Variants in GTPBP4 observed in about 807,000 individuals in gnomAD.
GTPBP4 encodes GTP binding protein 4.
GTPBP4 carries 15 observed loss-of-function variants against 81.7 expected under a neutral mutation model. The observed-to-expected ratio is 0.18, with a 90% CI of 0.12 to 0.28. The LOEUF (loss-of-function observed/expected upper bound fraction) is 0.28, where lower values mean the gene tolerates loss of function less well. Ranked by LOEUF, GTPBP4 falls within the 10% of genes least tolerant of loss-of-function variation. The probability of loss-of-function intolerance (pLI) is 1.00; values close to 1 mark genes in which losing one functional copy is unlikely to be tolerated. For missense variants in GTPBP4, 847 were observed against 793.8 expected (o/e 1.07, Z -0.81); for synonymous variants, 272 against 274.6 (o/e 0.99, Z 0.09).
chr10:1,003,029 T>C (rs1831665402), intron 8 of GTPBP4, among the ~76,000 whole-genome samples: 1 of 152,242 alleles, frequency 6.6e-6, no homozygotes, highest in South Asian at 2.1e-4. Context: ...TTCTCCTTCT[T>C]GAACTCCCAT....
rs1342383077 is a variant in GTPBP4 at position 1,018,934 on chromosome 10, TG to T, written c.*1708del. On this transcript the variant is annotated 3_prime_UTR_variant, in exon 17 of 17. Coordinates refer to ENST00000360803, the MANE Select transcript of GTPBP4 (RefSeq NM_012341.3). ...GTTTTAAAGCAAGTATGTCTTTATT[TG>T]TAAGCATATTACTGAAACGATCAAA... The T allele has an allele frequency of 6.6e-6, 1 of 152,490 alleles. No homozygotes were observed. The highest frequency in any genetic ancestry group is 1.5e-5 in the Non-Finnish European group (1 of 68,258). 9.4% of individuals were successfully genotyped at this position (152,490 alleles called of 1,614,324 possible).
chr10:1,016,053 A>G (rs533290335), intron 16 of GTPBP4, among the ~76,000 whole-genome samples, 157 bp downstream of exon 16: 3 of 152,226 alleles, frequency 2.0e-5, no homozygotes, highest in Non-Finnish European at 4.4e-5. Flanking sequence ...AGAGGAGAGC[A>G]CGGGTCAGGG....
At chr10:992,449 C>A (rs780004235) in intron 1 of GTPBP4, 40 bp from the exon 2 acceptor site, 3 of 1,224,666 alleles carry the variant, frequency 2.4e-6, no homozygotes, top group South Asian at 1.3e-5. Context: ...CAAAAGTAGA[C>A]CCTTTTGATG....
chr10:989,247 A>G (rs1204216597), intron 1 of GTPBP4, among the ~76,000 whole-genome samples: 1 of 150,694 alleles, frequency 6.6e-6, no homozygotes, highest in Non-Finnish European at 1.5e-5. Flanking sequence ...CCCGAGTAAC[A>G]GGGATTACAG....
chr10:1,005,829 A>C lies in GTPBP4; in HGVS notation c.924A>C (p.Thr308=). The C allele has an allele frequency of 1.9e-6, 3 of 1,585,002 alleles. No homozygotes were observed. Among genetic ancestry groups the C allele is most frequent in the Non-Finnish European group, 2.6e-6 (3 of 1,153,846 alleles). ...ELSEDDQKIF[T]DLQSEGFPVI... is the part of the protein sequence containing the mutation. ...CTTTGCATTCCCAGAAAATATTTAC[A>C]GATTTGCAGTCTGAAGGATTCCCTG... Residue 308 remains threonine, a synonymous_variant, in exon 9 of 17, where the codon ACA becomes ACC. Coordinates refer to ENST00000360803, the MANE Select transcript of GTPBP4 (RefSeq NM_012341.3).
intron 2 of GTPBP4, among the ~76,000 whole-genome samples, chr10:993,620 G>T (rs925426197): frequency 6.6e-6 from 1 of 152,126 alleles, no homozygotes; most frequent in Non-Finnish European, 1.5e-5. Context: ...ATGACACCAT[G>T]TGTGGGGTAA....
rs71376878 is a variant in GTPBP4 at position 1,011,137 on chromosome 10, GC to G, written c.1344+621del. 1.5e-3 allele frequency among the ~76,000 whole-genome samples: 176 copies of G among 119,100 alleles called. 1 individual carries two copies. The highest frequency in any genetic ancestry group is 8.6e-3 in the East Asian group (31 of 3,588). 78.1% of individuals were successfully genotyped at this position (119,100 alleles called of 152,430 possible). A position where few individuals can be genotyped will look rare whatever the true frequency, so the allele number is the denominator to read the frequency against. On this transcript the variant is annotated intron_variant, in intron 13 of 16. Coordinates refer to ENST00000360803, the MANE Select transcript of GTPBP4 (RefSeq NM_012341.3). ...CCCGAGACTCTGGTGGAGATGCTGG[GC>G]CCCTTCATTCTCCTGCATCCCTCCA... is the stretch of plus-strand genomic sequence containing the variant.
At chr10:1,012,350 C>A in intron 13 of GTPBP4, 115 bp from the exon 14 acceptor site, 1 of 697,484 alleles carries the variant, frequency 1.4e-6, no homozygotes, top group Non-Finnish European at 2.4e-6. Flanking sequence ...TGGACCAGGG[C>A]AATCGCTCTC....
chr10:992,705 C>G, intron 2 of GTPBP4, 46 bp downstream of exon 2: 2 of 1,171,486 alleles, frequency 1.7e-6, no homozygotes, highest in Non-Finnish European at 2.5e-6. Flanking sequence ...TACGGGCTTT[C>G]AGAGAACCAG....
At chr10:1,009,429 A>G (rs1831809739) in intron 11 of GTPBP4, 100 bp from the exon 12 acceptor site, 1 of 835,330 alleles carries the variant, frequency 1.2e-6, no homozygotes, top group Middle Eastern at 2.2e-4. Flanking sequence ...ACTGATACTG[A>G]GAGGATTGGA....
chr10:1,019,569 T>C lies in GTPBP4; in HGVS notation c.*2342T>C, dbSNP rs759178966. 5.0e-6 allele frequency: 8 copies of C among 1,613,956 alleles called. No individual in the cohort carries two copies. The highest frequency in any genetic ancestry group is 4.2e-6 in the Non-Finnish European group (5 of 1,179,970). ...CACAAACGGGGTCACGTCATCCAGGTGAGGCCACCACCGGTACAGAAACCT... is the reference window on the plus strand; with the variant it reads ...CACAAACGGGGTCACGTCATCCAGGCGAGGCCACCACCGGTACAGAAACCT... On this transcript the variant is annotated 3_prime_UTR_variant, in exon 17 of 17. Coordinates refer to ENST00000360803, the MANE Select transcript of GTPBP4 (RefSeq NM_012341.3).
chr10:995,556 T>C (rs536057902), intron 2 of GTPBP4, among the ~76,000 whole-genome samples: 22 of 152,216 alleles, frequency 1.4e-4, no homozygotes, highest in African/African-American at 2.4e-4. Flanking sequence ...TGATTTTTTT[T>C]CCTAAAGATT....
At chr10:1,008,503 C>T (rs888234424) in intron 10 of GTPBP4, 4 of 302,466 alleles carry the variant, frequency 1.3e-5, no homozygotes, top group Non-Finnish European at 2.6e-5. Flanking sequence ...GTGGAGGTTG[C>T]ACTCCGTTTC....
intron 13 of GTPBP4, 145 bp from the exon 14 acceptor site, chr10:1,012,320 A>G: frequency 1.8e-6 from 1 of 565,930 alleles, no homozygotes; most frequent in Non-Finnish European, 3.2e-6. Flanking sequence ...AATGGCACAT[A>G]GGCAGGGCCC....
At chr10:993,313 C>T (rs1311894408) in intron 2 of GTPBP4, among the ~76,000 whole-genome samples, 2 of 152,150 alleles carry the variant, frequency 1.3e-5, no homozygotes, top group Non-Finnish European at 1.5e-5. Flanking sequence ...AGTGCAGTGG[C>T]GTGATCTCAG....
chr10:992,105 TAAG>T (rs1831455131), intron 1 of GTPBP4, among the ~76,000 whole-genome samples: 1 of 151,150 alleles, frequency 6.6e-6, no homozygotes, highest in African/African-American at 2.4e-5. Flanking sequence ...ATTAGTGTTT[TAAG>T]AAGGTTTCAG....
chr10:988,549 A>T (rs547822012), intron 1 of GTPBP4, 22 bp downstream of exon 1: 2 of 1,594,536 alleles, frequency 1.3e-6, no homozygotes, highest in Non-Finnish European at 1.7e-6. Flanking sequence ...CGGGAGGGCC[A>T]CTGCAACTTT....
At chr10:995,430 T>G (rs1420279414) in intron 2 of GTPBP4, among the ~76,000 whole-genome samples, 1 of 151,474 alleles carries the variant, frequency 6.6e-6, no homozygotes, top group East Asian at 1.9e-4. Flanking sequence ...TTAGATGGAG[T>G]GGTGGACACA....
At chr10:1,010,658 A>G (rs1176895624) in intron 13 of GTPBP4, 138 bp downstream of exon 13, 1 of 687,024 alleles carries the variant, frequency 1.5e-6, no homozygotes, top group East Asian at 2.7e-5. Flanking sequence ...TGCCCCCTGT[A>G]CCACTTCCCC....
Sources: allele counts gnomAD v4.1 joint callset (sites outside exome capture counted in the v4.1 genomes callset), GRCh38; gene constraint gnomAD v4.1.1; transcripts MANE v1.5; gene names NCBI Gene and HGNC (gene_info 2026-07-23, HGNC 2026-07-21).